DNAI1: variants seen among roughly 807,000 people sequenced by gnomAD.
DNAI1 encodes the protein dynein axonemal intermediate chain 1.
DNAI1 carries 67 observed loss-of-function variants against 92.0 expected under a neutral mutation model. That is an observed-to-expected ratio of 0.73 (90% confidence interval 0.60 to 0.89). The LOEUF (loss-of-function observed/expected upper bound fraction) is 0.89. DNAI1 is among the 40% of genes least tolerant of loss of function. The pLI, the probability that DNAI1 is intolerant of heterozygous loss-of-function variation, is 0.00. For missense variants in DNAI1, 839 were observed against 866.6 expected, an observed-to-expected ratio of 0.97 and a Z score of 0.40; for synonymous variants, 323 against 319.6, an observed-to-expected ratio of 1.01 and a Z score of -0.11.
Position 34,512,180 on chromosome 9 carries a change from G to A in DNAI1, c.1383G>A (p.Val461=), listed in dbSNP as rs2132081385. 6.2e-7 allele frequency: 1 copy of A among 1,614,190 alleles called. No homozygotes were observed. Among genetic ancestry groups the A allele is most frequent in the Non-Finnish European group, 8.5e-7 (1 of 1,180,026 alleles). Reference sequence around the variant, plus strand: ...CTGTGTCATCTGACGGCAGGATTGTGTCTTGGACTCTCGTGAAGGTGCCTA... The same window carrying A: ...CTGTGTCATCTGACGGCAGGATTGTATCTTGGACTCTCGTGAAGGTGCCTA... ...FFSVSSDGRI[V]SWTLVKRKLV... The change falls in exon 14 of 20, where the codon GTG becomes GTA. Residue 461 remains valine (V), a synonymous_variant. Coordinates refer to ENST00000242317, the MANE Select transcript of DNAI1 (RefSeq NM_012144.4).
intron 7 of DNAI1, 135 bp downstream of exon 7, chr9:34,490,623 C>T (rs990199524): frequency 7.8e-7 from 1 of 1,283,452 alleles, no homozygotes; most frequent in African/African-American, 1.5e-5. Context: ...GCTTATCTCC[C>T]CAAGGAGAGC....
intron 16 of DNAI1, among the ~76,000 whole-genome samples, 155 bp downstream of exon 16, chr9:34,513,346 G>C (rs556191868): frequency 1.3e-5 from 2 of 152,274 alleles, no homozygotes; most frequent in African/African-American, 2.4e-5. Context: ...TGACCTGCTT[G>C]GGTGATAGGA....
intron 18 of DNAI1, 142 bp downstream of exon 18, chr9:34,514,881 C>T: frequency 1.1e-6 from 1 of 910,330 alleles, no homozygotes; most frequent in Non-Finnish European, 1.7e-6. Context: ...TTTCCAGGGG[C>T]AAGCCATCCA....
chr9:34,489,709 C>T (rs1305210358), intron 5 of DNAI1, among the ~76,000 whole-genome samples: 2 of 152,062 alleles, frequency 1.3e-5, no homozygotes, highest in Non-Finnish European at 2.9e-5. Flanking sequence ...ATTAGCCGGG[C>T]GTGGTGGCAC....
At chr9:34,473,607 C>T (rs148488351) in intron 1 of DNAI1, among the ~76,000 whole-genome samples, 3 of 152,206 alleles carry the variant, frequency 2.0e-5, no homozygotes, top group Admixed American at 6.5e-5. Context: ...AGCTAATTAA[C>T]GTATGCATTA....
Position 34,489,956 on chromosome 9 carries a change from C to T in DNAI1, c.389-56C>T. On this transcript the variant is annotated intron_variant, in intron 5 of 19. Transcript: ENST00000242317. Reference sequence around the variant, plus strand: ...GCAGAAACCAAGAAAGCCCTCCCTGCCACAGATTGGGAGAGCAGGCTTAGA... The same window carrying T: ...GCAGAAACCAAGAAAGCCCTCCCTGTCACAGATTGGGAGAGCAGGCTTAGA... The T allele has an allele frequency of 2.5e-6, 4 of 1,600,518 alleles. No homozygotes were observed. In the South Asian group the frequency reaches 4.5e-5, roughly 18 times the overall value.
At chr9:34,513,352 T>C (rs769784498) in intron 16 of DNAI1, among the ~76,000 whole-genome samples, 161 bp downstream of exon 16, 30 of 152,106 alleles carry the variant, frequency 2.0e-4, no homozygotes, top group Non-Finnish European at 4.3e-4. Flanking sequence ...GCTTGGGTGA[T>C]AGGAATAAGG....
chr9:34,514,314 C>T, intron 16 of DNAI1, 80 bp from the exon 17 acceptor site: 1 of 1,566,030 alleles, frequency 6.4e-7, no homozygotes, highest in South Asian at 1.1e-5. Flanking sequence ...GAGTCTAAGG[C>T]TCTGATCCTC....
rs2132086495 is a variant in DNAI1, at chr9:34,517,352, AG to A, written c.1887del (p.Asn630ThrfsTer60). 3.1e-6 allele frequency: 5 copies of A among 1,614,190 alleles called. No homozygotes were observed. Among genetic ancestry groups the A allele is most frequent in the Non-Finnish European group, 4.2e-6 (5 of 1,180,046 alleles). ...AICNQPVAAK[K>X]NRLTHVQFNL... is the part of the protein sequence containing the mutation. Reference sequence around the variant, plus strand: ...TGCAACCAGCCTGTGGCGGCCAAAAAGAACAGGCTCACCCACGTGCAGTTCA... The same window carrying A: ...TGCAACCAGCCTGTGGCGGCCAAAAAAACAGGCTCACCCACGTGCAGTTCA... On this transcript the variant is annotated frameshift_variant, in exon 19 of 20. Coordinates refer to ENST00000242317, the MANE Select transcript of DNAI1 (RefSeq NM_012144.4). LOFTEE classifies it high-confidence loss of function.
At chr9:34,498,635 C>T (rs1222370832) in intron 10 of DNAI1, among the ~76,000 whole-genome samples, 3 of 152,238 alleles carry the variant, frequency 2.0e-5, no homozygotes. Flanking sequence ...GCATGAACAG[C>T]ACATTCCCAA....
chr9:34,486,931 T>C (rs1824484759), intron 4 of DNAI1, among the ~76,000 whole-genome samples: 2 of 152,268 alleles, frequency 1.3e-5, no homozygotes, highest in South Asian at 4.1e-4. Context: ...TCAATTCATG[T>C]TGTAGTATGT....
intron 1 of DNAI1, among the ~76,000 whole-genome samples, chr9:34,482,896 C>T (rs1377798559): frequency 6.6e-6 from 1 of 152,236 alleles, no homozygotes; most frequent in Non-Finnish European, 1.5e-5. Flanking sequence ...CTGCAGGTCC[C>T]GAGCCCTGCC....
Position 34,490,393 on chromosome 9 carries a change from G to A in DNAI1, c.526G>A (p.Glu176Lys). The A allele has an allele frequency of 1.2e-6, 2 of 1,614,180 alleles. No individual in the cohort carries two copies. The highest frequency in any genetic ancestry group is 1.1e-5 in the South Asian group (1 of 91,068). Residue 176 changes from glutamate to lysine, a missense_variant, in exon 7 of 20, where the codon GAA (glutamate) becomes AAA (lysine). By Grantham distance (56) the Glu-to-Lys change is moderately conservative. Coordinates refer to ENST00000242317, the MANE Select transcript of DNAI1 (RefSeq NM_012144.4). ...AGAAEKVTEE[E>K]LMTPKQPKER... ...GGCAGCTGAAAAAGTGACTGAAGAAGAATTGATGACTCCTAAGCAGCCCAA... is the reference window on the plus strand; with the variant it reads ...GGCAGCTGAAAAAGTGACTGAAGAAAAATTGATGACTCCTAAGCAGCCCAA...
rs1296827340 is a variant in DNAI1, at chr9:34,497,253, A to T, written c.901+54A>T. 3.4e-6 allele frequency: 5 copies of T among 1,467,930 alleles called. No individual in the cohort carries two copies. The Admixed American group carries it at 8.4e-5, about 25-fold the overall frequency. 90.9% of individuals were successfully genotyped at this position (1,467,930 alleles called of 1,614,324 possible). A position where few individuals can be genotyped will look rare whatever the true frequency, so the allele number is the denominator to read the frequency against. On this transcript the variant is annotated intron_variant, in intron 10 of 19. Transcript: ENST00000242317. ...TTATTGCCTGTATTAAAAATTTCTCATAAAAGCTTGGGTTATTTGGGTGTC... is the reference window on the plus strand; with the variant it reads ...TTATTGCCTGTATTAAAAATTTCTCTTAAAAGCTTGGGTTATTTGGGTGTC...
In DNAI1 at chr9:34,476,882, C is replaced by G. The variant is rs7872062; in HGVS notation, c.49-6566C>G. ...CCTCTGCTTACATGGCTCTTTCCTA[C>G]ATAAGCTTAGGGAGAATTGTACGTG... On this transcript the variant is annotated intron_variant, in intron 1 of 19. Transcript: ENST00000242317. Among the ~76,000 whole-genome samples, 433 of 152,282 alleles carry G rather than the reference C, an allele frequency of 2.8e-3. 3 individuals carry two copies. Among genetic ancestry groups the G allele is most frequent in the African/African-American group, 9.4e-3 (391 of 41,568 alleles).
chr9:34,476,281 GACTTCAAACATC>G (rs58722173), intron 1 of DNAI1, among the ~76,000 whole-genome samples: 3,363 of 152,254 alleles, frequency 0.022, 130 homozygotes, highest in African/African-American at 0.077. Flanking sequence ...TAGGTTGATA[GACTTCAAACATC>G]TGCCCTTGGT....
rs1334680814 is a variant in DNAI1, at chr9:34,485,456, C to T, written c.200C>T (p.Thr67Ile). Residue 67 changes from threonine to isoleucine, a missense_variant, in exon 4 of 20, where the codon ACT (threonine) becomes ATT (isoleucine). Coordinates refer to ENST00000242317, the MANE Select transcript of DNAI1 (RefSeq NM_012144.4). ...CCTCAGGAGTTAAAGGAGGAGTTCA[C>T]TCGGATTTTGACAGCCAACAACCCA... is the stretch of plus-strand genomic sequence containing the variant. ...LTDAELKEEF[T>I]RILTANNPHA... is the part of the protein sequence containing the mutation. The T allele has an allele frequency of 3.1e-6, 5 of 1,614,022 alleles. No homozygotes were observed. The highest frequency in any genetic ancestry group is 3.3e-5 in the Admixed American group (2 of 60,010).
chr9:34,483,113 C>T (rs188769298), intron 1 of DNAI1, among the ~76,000 whole-genome samples: 7 of 152,342 alleles, frequency 4.6e-5, no homozygotes, highest in African/African-American at 1.7e-4. Context: ...CCGCAAGCAC[C>T]GCACTCAGCC....
intron 12 of DNAI1, among the ~76,000 whole-genome samples, chr9:34,504,478 T>C (rs1824887488): frequency 6.6e-6 from 1 of 152,244 alleles, no homozygotes; most frequent in South Asian, 2.1e-4. Flanking sequence ...GGTCTCTTTG[T>C]AAATACAGTC....
Sources: allele counts gnomAD v4.1 joint callset (sites outside exome capture counted in the v4.1 genomes callset), GRCh38; gene constraint gnomAD v4.1.1; transcripts MANE v1.5; gene names NCBI Gene and HGNC (gene_info 2026-07-23, HGNC 2026-07-21).